DBNL: variants seen among roughly 807,000 people sequenced by gnomAD.
DBNL encodes drebrin like, also known as drebrin-like protein.
Under a neutral mutation model 62.2 loss-of-function variants are expected in DBNL, and 35 were observed. The observed-to-expected ratio is 0.56, with a 90% CI of 0.43 to 0.75. DBNL has a LOEUF of 0.75. DBNL is among the 30% of genes least tolerant of loss of function. The pLI is 0.00. For missense variants in DBNL, 495 were observed against 578.4 expected (o/e 0.86, Z 1.48); for synonymous variants, 197 against 218.0 (o/e 0.90, Z 0.85).
At position 44,063,285 on chromosome 7, in the gene DBNL, T is replaced by C; in HGVS notation, c.*2369T>C. On this transcript the variant is annotated 3_prime_UTR_variant, in exon 13 of 13. Coordinates refer to ENST00000448521, the MANE Select transcript of DBNL (RefSeq NM_001014436.3). ...TTTGTTTTTTTTTTTTCTTTTCTTTTTCTTTTTCTTTTTTTTGAGATGGAG... is the reference window on the plus strand; with the variant it reads ...TTTGTTTTTTTTTTTTCTTTTCTTTCTCTTTTTCTTTTTTTTGAGATGGAG... The C allele has an allele frequency of 3.1e-6, 1 of 324,908 alleles. No individual in the cohort carries two copies. Among genetic ancestry groups the C allele is most frequent in the East Asian group, 7.7e-5 (1 of 13,030 alleles). The allele number at this position is 324,908 out of a possible 1,614,324, so 20.1% of individuals were successfully genotyped here.
At chr7:44,053,363 C>T (rs1394264171) in intron 4 of DBNL, among the ~76,000 whole-genome samples, 7 of 152,200 alleles carry the variant, frequency 4.6e-5, no homozygotes, top group African/African-American at 1.7e-4. Context: ...GGAGTTATGT[C>T]AGTCCTATAA....
rs1322072096 is a variant in DBNL at position 44,062,589 on chromosome 7, G to C, written c.*1673G>C. On this transcript the variant is annotated 3_prime_UTR_variant, in exon 13 of 13. Transcript: ENST00000448521. ...CCCTGGCTCAGTGTCCTGATGACTA[G>C]GTGTGGGTACTAGGCTCCTGCCCCT... 1 of 655,822 alleles carries C rather than the reference G, an allele frequency of 1.5e-6. No homozygotes were observed. The highest frequency in any genetic ancestry group is 2.7e-5 in the East Asian group (1 of 36,546). 40.6% of individuals were successfully genotyped at this position (655,822 alleles called of 1,614,324 possible). A position where few individuals can be genotyped will look rare whatever the true frequency, so the allele number is the denominator to read the frequency against.
At position 44,059,578 on chromosome 7, in the gene DBNL, C is replaced by T; in HGVS notation, c.967C>T (p.Pro323Ser). 1.2e-6 allele frequency: 2 copies of T among 1,612,644 alleles called. No homozygotes were observed. Among genetic ancestry groups the T allele is most frequent in the East Asian group, 2.2e-5 (1 of 44,880 alleles). Reference sequence around the variant, plus strand: ...TGAGGAGCCGGCGCCCAGCACTCCTCCATGTCTGGTGCAGGCAGAAGAGGA... The same window carrying T: ...TGAGGAGCCGGCGCCCAGCACTCCTTCATGTCTGGTGCAGGCAGAAGAGGA... ...PAEEPAPSTP[P>S]CLVQAEEEAV... Residue 323 changes from proline to serine, a missense_variant, in exon 11 of 13, where the codon CCA (proline) becomes TCA (serine). By Grantham distance (74) the Pro-to-Ser change is moderately conservative (BLOSUM62 -1). Transcript: ENST00000448521. The surrounding 1 kb of genome is among the most constrained non-coding windows in gnomAD (Gnocchi z 4.1).
At chr7:44,058,658 G>A (rs896221433) in intron 8 of DBNL, 178 bp downstream of exon 8, 17 of 948,570 alleles carry the variant, frequency 1.8e-5, no homozygotes, top group African/African-American at 6.6e-5. Context: ...AGGCGGAAGC[G>A]TCGGGCTTGG....
intron 2 of DBNL, chr7:44,051,538 C>T: frequency 3.9e-6 from 1 of 254,366 alleles, no homozygotes; most frequent in Non-Finnish European, 7.5e-6. Context: ...TTTTTATTTC[C>T]AGAATTACCT....
chr7:44,057,946 A>T, intron 6 of DBNL, 87 bp downstream of exon 6: 1 of 1,582,204 alleles, frequency 6.3e-7, no homozygotes. Flanking sequence ...CTCATGCAGC[A>T]TCCACTCTCC....
chr7:44,059,359 C>A lies in DBNL; in HGVS notation c.841C>A (p.Leu281Met), dbSNP rs1255352508. Reference sequence around the variant, plus strand: ...ATATTTACCCGGGTTTGCAGGCAAGCTGAGGAGCCCCTTCCTGCAGAAGCA... The same window carrying A: ...ATATTTACCCGGGTTTGCAGGCAAGATGAGGAGCCCCTTCCTGCAGAAGCA... Reference protein sequence around the residue: ...TSISSPQPGKLRSPFLQKQLT... With the variant: ...TSISSPQPGKMRSPFLQKQLT... Residue 281 changes from leucine (L) to methionine (M), a missense_variant, in exon 10 of 13, where the codon CTG (leucine) becomes ATG (methionine). Transcript: ENST00000448521. This position sits in a 1 kb window ranked among gnomAD's most constrained non-coding sequence, Gnocchi z 4.1. The A allele has an allele frequency of 1.2e-6, 2 of 1,613,954 alleles. No homozygotes were observed. Among genetic ancestry groups the A allele is most frequent in the South Asian group, 2.2e-5 (2 of 91,082 alleles).
chr7:44,047,910 C>CTTTT (rs5883883), intron 1 of DBNL, among the ~76,000 whole-genome samples: 1 of 69,812 alleles, frequency 1.4e-5, no homozygotes, highest in Admixed American at 1.6e-4. Context: ...TGCTGAGTCC[C>CTTTT]TTTTTTTTTT....
At chr7:44,047,334 G>T (rs2096119087) in intron 1 of DBNL, among the ~76,000 whole-genome samples, 1 of 152,222 alleles carries the variant, frequency 6.6e-6, no homozygotes, top group Admixed American at 6.5e-5. Flanking sequence ...AGAGGAAGAA[G>T]AGGTGGTCTC....
chr7:44,058,687 G>A, intron 8 of DBNL: 1 of 807,064 alleles, frequency 1.2e-6, no homozygotes, highest in Non-Finnish European at 2.0e-6. Flanking sequence ...TGGTCCTGGG[G>A]GAGGCCCTGG....
chr7:44,060,009 G>T lies in DBNL; in HGVS notation c.1048-39G>T. On this transcript the variant is annotated intron_variant, in intron 11 of 12. Transcript: ENST00000448521. This position sits in a 1 kb window ranked among gnomAD's most constrained non-coding sequence, Gnocchi z 6.3. ...GGGCAGAGCAGCGATTGTGTGTAAG[G>T]GCTGAGTCTGGGGTAACACCTTTGT... 6.3e-7 allele frequency: 1 copy of T among 1,592,606 alleles called. No homozygotes were observed. Among genetic ancestry groups the T allele is most frequent in the Non-Finnish European group, 8.6e-7 (1 of 1,164,150 alleles).
At chr7:44,045,617 C>T (rs112039477) in intron 1 of DBNL, among the ~76,000 whole-genome samples, 125 of 152,324 alleles carry the variant, frequency 8.2e-4, no homozygotes, top group African/African-American at 2.5e-3. Flanking sequence ...AGAAACTGGG[C>T]CTTGGAGTCT....
Position 44,065,922 on chromosome 7 carries a change from A to C in DBNL, c.*5006A>C. On this transcript the variant is annotated 3_prime_UTR_variant, in exon 13 of 13. Coordinates refer to ENST00000448521, the MANE Select transcript of DBNL (RefSeq NM_001014436.3). ...GGCAACGCTCAGTGGCCTATCAGCCATTCTCTGCTCAGACAGAGGCACAAA... is the reference window on the plus strand; with the variant it reads ...GGCAACGCTCAGTGGCCTATCAGCCCTTCTCTGCTCAGACAGAGGCACAAA... The C allele has an allele frequency of 2.8e-6, 1 of 359,122 alleles. No individual in the cohort carries two copies. Among genetic ancestry groups the C allele is most frequent in the East Asian group, 6.7e-5 (1 of 14,964 alleles). 22.2% of individuals were successfully genotyped at this position (359,122 alleles called of 1,614,324 possible).
At position 44,059,237 on chromosome 7, in the gene DBNL, T is replaced by C. The variant is rs183561516; in HGVS notation, c.836-117T>C. 3.3e-5 allele frequency: 37 copies of C among 1,111,316 alleles called. No homozygotes were observed. In the East Asian group the frequency reaches 9.2e-4, roughly 28 times the overall value. 68.8% of individuals were successfully genotyped at this position (1,111,316 alleles called of 1,614,324 possible). On this transcript the variant is annotated intron_variant, in intron 9 of 12. Coordinates refer to ENST00000448521, the MANE Select transcript of DBNL (RefSeq NM_001014436.3). The surrounding 1 kb of genome is among the most constrained non-coding windows in gnomAD (Gnocchi z 4.1). ...GGCCCTGGGGCCTCTGTTCCTGCAC[T>C]AGCAAGAGCAAGCCCCATGAGACTG...
chr7:44,058,331 G>A, intron 7 of DBNL, 51 bp downstream of exon 7: 3 of 1,593,860 alleles, frequency 1.9e-6, no homozygotes, highest in Admixed American at 1.7e-5. Flanking sequence ...AGGCATTGCT[G>A]GGCACCTGCT....
intron 8 of DBNL, 144 bp from the exon 9 acceptor site, chr7:44,058,758 C>G: frequency 1.1e-6 from 1 of 934,892 alleles, no homozygotes; most frequent in South Asian, 1.7e-5. Context: ...TTTTAAATGA[C>G]TTCTCTCCTG....
Position 44,061,051 on chromosome 7 carries a change from C to A in DBNL, c.*135C>A. ...GAGGATGAGGCCTCAGGGCTCCCTC[C>A]GGCTTGGCAGACTCAGCCTGTCACC... is the stretch of plus-strand genomic sequence containing the variant. On this transcript the variant is annotated 3_prime_UTR_variant, in exon 13 of 13. Transcript: ENST00000448521. 1 of 1,261,154 alleles carries A rather than the reference C, an allele frequency of 7.9e-7. No individual in the cohort carries two copies. Among genetic ancestry groups the A allele is most frequent in the Non-Finnish European group, 1.1e-6 (1 of 937,618 alleles). 78.1% of individuals were successfully genotyped at this position (1,261,154 alleles called of 1,614,324 possible). A position where few individuals can be genotyped will look rare whatever the true frequency, so the allele number is the denominator to read the frequency against.
At chr7:44,053,884 G>T (rs1478136985) in intron 4 of DBNL, among the ~76,000 whole-genome samples, 1 of 151,918 alleles carries the variant, frequency 6.6e-6, no homozygotes, top group Non-Finnish European at 1.5e-5. Context: ...CACTGTGTTA[G>T]CCAGGATGGT....
At chr7:44,044,898 G>C (rs1043274961) in intron 1 of DBNL, 78 bp downstream of exon 1, 7 of 1,322,942 alleles carry the variant, frequency 5.3e-6, no homozygotes, top group African/African-American at 4.7e-5. Flanking sequence ...GGGGGACTCG[G>C]GGGGAGCGGG....
Sources: allele counts gnomAD v4.1 joint callset (sites outside exome capture counted in the v4.1 genomes callset), GRCh38; gene constraint gnomAD v4.1.1; non-coding constraint Gnocchi (gnomAD v3.1); transcripts MANE v1.5; gene names NCBI Gene and HGNC (gene_info 2026-07-23, HGNC 2026-07-21).